The following SNX7 variants were observed in gnomAD, a reference collection of about 807,000 sequenced individuals.
SNX7 encodes sorting nexin 7.
Under a neutral mutation model 48.4 loss-of-function variants are expected in SNX7, and 35 were observed. The observed-to-expected ratio is 0.72, with a 90% CI of 0.55 to 0.96. The LOEUF is 0.96. SNX7 is among the 40% of genes least tolerant of loss of function. The probability of loss-of-function intolerance (pLI) is 0.00; values close to 1 mark genes in which losing one functional copy is unlikely to be tolerated. For missense variants in SNX7, 553 were observed against 548.9 expected (o/e 1.01, Z -0.07); for synonymous variants, 190 against 190.2 (o/e 1.00, Z 0.01).
At chr1:98,701,041 A>G (rs1651721669) in intron 6 of SNX7, among the ~76,000 whole-genome samples, 1 of 152,210 alleles carries the variant, frequency 6.6e-6, no homozygotes, top group Non-Finnish European at 1.5e-5. Flanking sequence ...GAGTACAAAT[A>G]AAAAGAGTCC....
At chr1:98,731,637 C>T (rs4515813) in intron 7 of SNX7, among the ~76,000 whole-genome samples, 40,095 of 151,964 alleles carry the variant, frequency 0.26, 5,625 homozygotes, top group Middle Eastern at 0.31. Flanking sequence ...AGATGTCATA[C>T]TCTGCTGCAC....
intron 2 of SNX7, among the ~76,000 whole-genome samples, chr1:98,685,796 T>C (rs1650762852): frequency 2.6e-5 from 4 of 152,186 alleles, no homozygotes; most frequent in Admixed American, 2.6e-4. Flanking sequence ...TAATCACTTC[T>C]TCCAATGAAA....
chr1:98,756,196 A>G (rs905352253), intron 8 of SNX7, among the ~76,000 whole-genome samples: 1 of 151,914 alleles, frequency 6.6e-6, no homozygotes, highest in Non-Finnish European at 1.5e-5. Flanking sequence ...GAACCTACAA[A>G]TGTGTTTTTT....
At chr1:98,717,386 T>C (rs772580864) in intron 7 of SNX7, among the ~76,000 whole-genome samples, 1 of 152,156 alleles carries the variant, frequency 6.6e-6, no homozygotes, top group Admixed American at 6.6e-5. Flanking sequence ...TGAACAACAT[T>C]GCACATGCAG....
intron 2 of SNX7, among the ~76,000 whole-genome samples, chr1:98,687,644 G>A (rs1650878312): frequency 1.3e-5 from 2 of 151,992 alleles, no homozygotes; most frequent in Non-Finnish European, 2.9e-5. Context: ...CTGAAGAAGG[G>A]GTGTTTGCAT....
At chr1:98,704,491 A>T (rs772508914) in intron 7 of SNX7, among the ~76,000 whole-genome samples, 3 of 152,210 alleles carry the variant, frequency 2.0e-5, no homozygotes, top group Non-Finnish European at 4.4e-5. Context: ...CCTGTGCCTT[A>T]TGATGGTATC....
At chr1:98,704,166 C>G (rs1651901131) in intron 7 of SNX7, among the ~76,000 whole-genome samples, 1 of 151,608 alleles carries the variant, frequency 6.6e-6, no homozygotes, top group South Asian at 2.1e-4. Context: ...ATAACTTAAT[C>G]AGTGTATATT....
chr1:98,745,900 C>A lies in SNX7; in HGVS notation c.1278+7511C>A, dbSNP rs557153120. 2.0e-5 allele frequency among the ~76,000 whole-genome samples: 3 copies of A among 152,144 alleles called. No individual in the cohort carries two copies. In the South Asian group the frequency reaches 6.2e-4, roughly 32 times the overall value. On this transcript the variant is annotated intron_variant, in intron 8 of 8. Coordinates refer to ENST00000306121, the MANE Select transcript of SNX7 (RefSeq NM_015976.5). ...ATGGCAACACATTTAATAGAGTTTT[C>A]TCCTTGTGTTTCGAGAGCCCAGCAT...
At chr1:98,703,229 G>A (rs1651841621) in intron 7 of SNX7, among the ~76,000 whole-genome samples, 1 of 152,058 alleles carries the variant, frequency 6.6e-6, no homozygotes, top group Non-Finnish European at 1.5e-5. Flanking sequence ...ATTTGTGCAA[G>A]CATATTGAAG....
intron 1 of SNX7, chr1:98,662,569 C>G (rs925787981): frequency 1.2e-5 from 10 of 853,004 alleles, no homozygotes; most frequent in African/African-American, 1.1e-4. Context: ...ACCAAAGGCT[C>G]TTATTTGCTT....
At chr1:98,674,108 A>G (rs1650025668) in intron 1 of SNX7, among the ~76,000 whole-genome samples, 1 of 152,188 alleles carries the variant, frequency 6.6e-6, no homozygotes, top group African/African-American at 2.4e-5. Context: ...AAATTCCTGG[A>G]GTTGACTACT....
intron 7 of SNX7, among the ~76,000 whole-genome samples, chr1:98,703,125 AGT>A (rs1374625072): frequency 6.6e-6 from 1 of 151,898 alleles, no homozygotes; most frequent in Admixed American, 6.6e-5. Context: ...TGTTCACTGG[AGT>A]GCTCCCAGGC....
intron 4 of SNX7, among the ~76,000 whole-genome samples, chr1:98,692,552 A>G (rs1651199241): frequency 6.6e-6 from 1 of 152,190 alleles, no homozygotes; most frequent in Admixed American, 6.5e-5. Context: ...AACACAATAA[A>G]AAAAATACAT....
intron 7 of SNX7, among the ~76,000 whole-genome samples, chr1:98,718,780 T>G (rs574170323): frequency 9.9e-5 from 15 of 152,210 alleles, no homozygotes; most frequent in Admixed American, 7.9e-4. Context: ...CCAATATACA[T>G]TCTGACTTTT....
At chr1:98,693,373 A>T (rs1356517001) in intron 4 of SNX7, among the ~76,000 whole-genome samples, 1 of 152,198 alleles carries the variant, frequency 6.6e-6, no homozygotes, top group Non-Finnish European at 1.5e-5. Context: ...AATATTAAAC[A>T]GTTACTGGCA....
intron 7 of SNX7, among the ~76,000 whole-genome samples, chr1:98,726,307 A>C (rs956789429): frequency 6.6e-6 from 1 of 152,172 alleles, no homozygotes; most frequent in Non-Finnish European, 1.5e-5. Flanking sequence ...TAATACCCTA[A>C]GGCAACTGAG....
chr1:98,661,358 G>A (rs927481788), upstream of SNX7, among the ~76,000 whole-genome samples: 1 of 151,624 alleles, frequency 6.6e-6, no homozygotes, highest in African/African-American at 2.4e-5. Context: ...CGAAGTGGAC[G>A]GTTCGCTTCG....
chr1:98,740,410 T>A (rs1176526534), intron 8 of SNX7, among the ~76,000 whole-genome samples: 2 of 152,142 alleles, frequency 1.3e-5, no homozygotes, highest in Non-Finnish European at 2.9e-5. Flanking sequence ...ATTGAGATAA[T>A]TTATAAGAAA....
chr1:98,662,759 C>T, intron 1 of SNX7: 1 of 1,289,334 alleles, frequency 7.8e-7, no homozygotes, highest in Non-Finnish European at 1.0e-6. Flanking sequence ...GTTCAGATCA[C>T]AACGCTGTAT....
Sources: allele counts gnomAD v4.1 joint callset (sites outside exome capture counted in the v4.1 genomes callset), GRCh38; gene constraint gnomAD v4.1.1; transcripts MANE v1.5; gene names NCBI Gene and HGNC (gene_info 2026-07-23, HGNC 2026-07-21).